CSNK2A2IP: variants seen among roughly 807,000 people sequenced by gnomAD.
The protein encoded by CSNK2A2IP is casein kinase 2 subunit alpha' interacting protein.
chr3:88,431,014 A>G, the CSNK2A2IP span, among the ~76,000 whole-genome samples: 1 of 152,348 alleles, frequency 6.6e-6, no homozygotes, highest in South Asian at 2.1e-4. Context: ...AGACTTCGAA[A>G]TTTGGGAAGT....
the CSNK2A2IP span, among the ~76,000 whole-genome samples, chr3:88,377,950 T>C: frequency 2.0e-5 from 3 of 151,944 alleles, no homozygotes; most frequent in Non-Finnish European, 4.4e-5. Flanking sequence ...ATATAACAGA[T>C]TTTATGTGCT....
At chr3:88,455,017 T>G in the CSNK2A2IP span, among the ~76,000 whole-genome samples, 1 of 151,930 alleles carries the variant, frequency 6.6e-6, no homozygotes, top group Non-Finnish European at 1.5e-5. Flanking sequence ...TTTCACTTAG[T>G]GTAATGTCTT....
At chr3:88,407,712 C>CTATT in the CSNK2A2IP span, among the ~76,000 whole-genome samples, 57,521 of 150,046 alleles carry the variant, frequency 0.38, 12,886 homozygotes, top group South Asian at 0.53. Context: ...AGTGTGCAAT[C>CTATT]TATTTATTTA....
At chr3:88,420,985 T>C in the CSNK2A2IP span, among the ~76,000 whole-genome samples, 259 of 152,258 alleles carry the variant, frequency 1.7e-3, 1 homozygote, top group African/African-American at 5.8e-3. Flanking sequence ...AGAGATACAT[T>C]TACAGAGAAT....
chr3:88,419,708 G>A, the CSNK2A2IP span, among the ~76,000 whole-genome samples: 5 of 152,110 alleles, frequency 3.3e-5, no homozygotes, highest in South Asian at 4.1e-4. Flanking sequence ...TGTTATTTGA[G>A]ATTAGGCATT....
At chr3:88,358,954 G>A in the CSNK2A2IP span, among the ~76,000 whole-genome samples, 335 of 149,714 alleles carry the variant, frequency 2.2e-3, 2 homozygotes, top group African/African-American at 7.8e-3. Flanking sequence ...TGAGGCTATC[G>A]GCTCCTGGAT....
the CSNK2A2IP span, among the ~76,000 whole-genome samples, chr3:88,439,514 C>T: frequency 6.6e-6 from 1 of 151,902 alleles, no homozygotes; most frequent in Non-Finnish European, 1.5e-5. Flanking sequence ...GAGGCTGAGG[C>T]AGGCAGATCA....
chr3:88,466,471 T>C, the CSNK2A2IP span: 1 of 1,231,976 alleles, frequency 8.1e-7, no homozygotes, highest in African/African-American at 1.5e-5. Context: ...CTCAGGTCAA[T>C]TATTATCAAG....
At chr3:88,351,717 C>A in the CSNK2A2IP span, among the ~76,000 whole-genome samples, 1 of 152,060 alleles carries the variant, frequency 6.6e-6, no homozygotes, top group Non-Finnish European at 1.5e-5. Context: ...TAAGATAACT[C>A]CCCATTTTCC....
At chr3:88,429,794 C>G in the CSNK2A2IP span, among the ~76,000 whole-genome samples, 2 of 152,106 alleles carry the variant, frequency 1.3e-5, no homozygotes, top group African/African-American at 2.4e-5. Flanking sequence ...GTTCTGTCGC[C>G]CAGGCTGGAG....
At chr3:88,449,096 TC>T in the CSNK2A2IP span, among the ~76,000 whole-genome samples, 30 of 152,108 alleles carry the variant, frequency 2.0e-4, no homozygotes, top group African/African-American at 6.3e-4. Context: ...CTGCCTCCCT[TC>T]TTTCCTTATT....
chr3:88,348,599 G>A, the CSNK2A2IP span, among the ~76,000 whole-genome samples: 183 of 152,156 alleles, frequency 1.2e-3, no homozygotes, highest in African/African-American at 4.2e-3. Flanking sequence ...CTAAAGAGTA[G>A]TGAGAACATT....
At chr3:88,423,738 G>A in the CSNK2A2IP span, among the ~76,000 whole-genome samples, 12,956 of 152,156 alleles carry the variant, frequency 0.085, 954 homozygotes, top group Admixed American at 0.25. Flanking sequence ...TTTAAAAAAG[G>A]TGGCAGTTTA....
the CSNK2A2IP span, among the ~76,000 whole-genome samples, chr3:88,346,677 T>C: frequency 1.3e-5 from 2 of 152,042 alleles, no homozygotes; most frequent in Non-Finnish European, 2.9e-5. Flanking sequence ...TCTATATTTT[T>C]CACAATATTT....
At chr3:88,446,004 CTTTCTTTCT>C in the CSNK2A2IP span, among the ~76,000 whole-genome samples, 5 of 136,960 alleles carry the variant, frequency 3.7e-5, no homozygotes, top group African/African-American at 8.3e-5. Flanking sequence ...TTTCTTTCTC[CTTTCTTTCT>C]TTTCTTTCTT....
chr3:88,451,469 T>C, the CSNK2A2IP span, among the ~76,000 whole-genome samples: 1 of 151,820 alleles, frequency 6.6e-6, no homozygotes, highest in Non-Finnish European at 1.5e-5. Context: ...TCATTATAAA[T>C]TTTAAATATG....
chr3:88,397,298 C>T, the CSNK2A2IP span, among the ~76,000 whole-genome samples: 1 of 152,166 alleles, frequency 6.6e-6, no homozygotes, highest in Non-Finnish European at 1.5e-5. Flanking sequence ...TTGTCTTTTC[C>T]TCCTGAAGTT....
At chr3:88,407,454 G>T in the CSNK2A2IP span, among the ~76,000 whole-genome samples, 1 of 152,186 alleles carries the variant, frequency 6.6e-6, no homozygotes, top group Non-Finnish European at 1.5e-5. Flanking sequence ...ATGAGGAGTG[G>T]ACATCAAAAT....
At chr3:88,355,217 A>G in the CSNK2A2IP span, among the ~76,000 whole-genome samples, 66,682 of 152,042 alleles carry the variant, frequency 0.44, 15,871 homozygotes, top group South Asian at 0.62. Flanking sequence ...ATGGTGGTGC[A>G]GAAGTAGAGT....
Sources: gnomAD v4.1 joint callset for allele counts (sites outside exome capture counted in the v4.1 genomes callset) on GRCh38, gnomAD v4.1.1 for gene constraint, MANE v1.5 for transcripts, NCBI Gene and HGNC (gene_info 2026-07-23, HGNC 2026-07-21) for gene names.